DAAM2: variants seen among roughly 807,000 people sequenced by gnomAD.
DAAM2 encodes the protein disheveled-associated activator of morphogenesis 2.
Under a neutral mutation model 120.7 loss-of-function variants are expected in DAAM2, and 39 were observed. That is an observed-to-expected ratio of 0.32 (90% CI 0.25 to 0.42). The LOEUF is 0.42. Ranked by LOEUF, DAAM2 falls within the 10% of genes least tolerant of loss-of-function variation. The pLI is 1.00. For synonymous variants in DAAM2, 488 were observed against 524.9 expected (o/e 0.93, Z 0.96); for missense variants, 1,283 against 1,401.7 (o/e 0.92, Z 1.35).
intron 21 of DAAM2, 86 bp downstream of exon 21, chr6:39,897,368 T>C: frequency 1.2e-6 from 1 of 845,570 alleles, no homozygotes. Context: ...ACTCTGGGCT[T>C]GATGATGGCT....
At chr6:39,893,773 A>AGT (rs1299017366) in intron 19 of DAAM2, among the ~76,000 whole-genome samples, 2 of 152,206 alleles carry the variant, frequency 1.3e-5, no homozygotes, top group African/African-American at 2.4e-5. Context: ...GAATCAGATC[A>AGT]GTGTGTGTGA....
chr6:39,875,199 T>C, intron 10 of DAAM2, 131 bp from the exon 11 acceptor site: 1 of 970,178 alleles, frequency 1.0e-6, no homozygotes, highest in South Asian at 1.7e-5. Flanking sequence ...TTGCCTCTTC[T>C]TCTAGACTGG....
chr6:39,883,359 G>A (rs1765223619), intron 14 of DAAM2, among the ~76,000 whole-genome samples: 2 of 152,122 alleles, frequency 1.3e-5, no homozygotes, highest in African/African-American at 4.8e-5. Context: ...GGGAAATTGT[G>A]GCAGAGTCTT....
At chr6:39,807,577 C>A (rs1045963089) in intron 1 of DAAM2, among the ~76,000 whole-genome samples, 1 of 152,102 alleles carries the variant, frequency 6.6e-6, no homozygotes, top group African/African-American at 2.4e-5. Flanking sequence ...AGTGCAATGG[C>A]GTGACCTCTT....
At chr6:39,891,116 C>T (rs1043512504) in intron 17 of DAAM2, among the ~76,000 whole-genome samples, 1 of 150,346 alleles carries the variant, frequency 6.7e-6, no homozygotes, top group Non-Finnish European at 1.5e-5. Flanking sequence ...GAAAGAAATA[C>T]TGTATATCAG....
At chr6:39,813,920 A>T (rs1762236618) in intron 1 of DAAM2, among the ~76,000 whole-genome samples, 1 of 152,172 alleles carries the variant, frequency 6.6e-6, no homozygotes, top group South Asian at 2.1e-4. Context: ...AAATGAGGAG[A>T]TAAGTCAAGT....
chr6:39,848,027 C>T (rs770391464), intron 1 of DAAM2, among the ~76,000 whole-genome samples: 2 of 152,196 alleles, frequency 1.3e-5, no homozygotes, highest in Non-Finnish European at 2.9e-5. Context: ...TCTCATTCAT[C>T]TGGGCTGTCG....
intron 9 of DAAM2, among the ~76,000 whole-genome samples, chr6:39,872,956 G>A (rs1400043549): frequency 6.6e-6 from 1 of 152,174 alleles, no homozygotes; most frequent in Non-Finnish European, 1.5e-5. Context: ...GCTAAGGAGA[G>A]GCTGGGGTGC....
At chr6:39,866,333 T>C (rs1278214180) in intron 5 of DAAM2, among the ~76,000 whole-genome samples, 1 of 152,220 alleles carries the variant, frequency 6.6e-6, no homozygotes, top group Non-Finnish European at 1.5e-5. Flanking sequence ...GGAAATTTTA[T>C]GGAATGCAGA....
rs1223672479 is a variant in DAAM2 at position 39,879,329 on chromosome 6, C to T, written c.1697C>T (p.Pro566Leu). The T allele has an allele frequency of 1.7e-5, 27 of 1,599,218 alleles. No individual in the cohort carries two copies. The highest frequency in any genetic ancestry group is 1.7e-4 in the Middle Eastern group (1 of 6,014). ...CCACCCCTTCCTCCCGGGGGACCCC[C>T]GACTCCCCCAGGTGCCCCACCTTGC... ...PPPPLPPGGP[P>L]TPPGAPPCLG... The change falls in exon 14 of 25, where the codon CCG (proline) becomes CTG (leucine). Residue 566 changes from proline to leucine, a missense_variant. Coordinates refer to ENST00000274867, the MANE Select transcript of DAAM2 (RefSeq NM_001201427.2).
chr6:39,884,933 T>C (rs1356457621), intron 15 of DAAM2: 1 of 152,166 alleles, frequency 6.6e-6, no homozygotes, highest in Non-Finnish European at 1.5e-5. Flanking sequence ...ATTTGGGGAA[T>C]GACCAGCTTA....
chr6:39,826,707 TA>T (rs1014898274), intron 1 of DAAM2, among the ~76,000 whole-genome samples: 1 of 152,096 alleles, frequency 6.6e-6, no homozygotes, highest in Non-Finnish European at 1.5e-5. Context: ...AAAATGTACA[TA>T]AAAAATCAGA....
chr6:39,870,906 C>G (rs2149314557), intron 8 of DAAM2, among the ~76,000 whole-genome samples: 2 of 152,322 alleles, frequency 1.3e-5, no homozygotes, highest in Middle Eastern at 6.8e-3. Context: ...TGAGGCCCCT[C>G]TGGTTCTGTC....
At chr6:39,801,093 A>G (rs928853986) in intron 1 of DAAM2, among the ~76,000 whole-genome samples, 1 of 152,216 alleles carries the variant, frequency 6.6e-6, no homozygotes, top group African/African-American at 2.4e-5. Flanking sequence ...AAATGGGAAG[A>G]TGCATGTTAA....
chr6:39,793,825 A>T (rs1171630708), intron 1 of DAAM2, among the ~76,000 whole-genome samples: 1 of 152,140 alleles, frequency 6.6e-6, no homozygotes, highest in Non-Finnish European at 1.5e-5. Flanking sequence ...CAAACGAGTG[A>T]CCACAGACAG....
At chr6:39,807,143 T>C (rs536743715) in intron 1 of DAAM2, among the ~76,000 whole-genome samples, 1 of 148,310 alleles carries the variant, frequency 6.7e-6, no homozygotes, top group African/African-American at 2.5e-5. Flanking sequence ...ACTGGTTAAA[T>C]AATTTGATAC....
At chr6:39,845,474 A>G (rs1206432838) in intron 1 of DAAM2, among the ~76,000 whole-genome samples, 1 of 142,060 alleles carries the variant, frequency 7.0e-6, no homozygotes, top group African/African-American at 2.6e-5. Flanking sequence ...ACCACACCAC[A>G]TACACATATA....
chr6:39,879,538 G>T (rs1232314636), intron 14 of DAAM2, 61 bp downstream of exon 14: 2 of 1,607,024 alleles, frequency 1.2e-6, no homozygotes, highest in South Asian at 1.1e-5. Flanking sequence ...TCAGCCTCAG[G>T]GACCACCCGC....
At chr6:39,814,188 CTTT>C (rs5875686) in intron 1 of DAAM2, among the ~76,000 whole-genome samples, 4 of 139,868 alleles carry the variant, frequency 2.9e-5, no homozygotes, top group African/African-American at 8.3e-5. Context: ...TTCTTTCTTT[CTTT>C]TTTTTTTTTT....
Sources: gnomAD v4.1 joint callset for allele counts (sites outside exome capture counted in the v4.1 genomes callset) on GRCh38, gnomAD v4.1.1 for gene constraint, MANE v1.5 for transcripts, NCBI Gene and HGNC (gene_info 2026-07-23, HGNC 2026-07-21) for gene names.